The following GALNT8 variants were observed in gnomAD, a reference collection of about 807,000 sequenced individuals.
GALNT8 encodes polypeptide N-acetylgalactosaminyltransferase 8.
GALNT8 carries 66 observed loss-of-function variants against 62.7 expected under a neutral mutation model. That is an observed-to-expected ratio of 1.05 (90% CI 0.86 to 1.29). The LOEUF (loss-of-function observed/expected upper bound fraction) is 1.29, where lower values mean the gene tolerates loss of function less well. Among genes scored for constraint, GALNT8 ranks in the 50% most tolerant of loss-of-function variants. The pLI is 0.00. For synonymous variants in GALNT8, 288 were observed against 294.3 expected (o/e 0.98, Z 0.22); for missense variants, 771 against 791.8 (o/e 0.97, Z 0.32).
chr12:4,727,506 A>G (rs1281552638), intron 2 of GALNT8, among the ~76,000 whole-genome samples: 1 of 152,218 alleles, frequency 6.6e-6, no homozygotes, highest in Non-Finnish European at 1.5e-5. Context: ...CAGGCCCTCC[A>G]CATTTTCCTA....
Position 4,763,936 on chromosome 12 carries a change from G to A in GALNT8, c.1498-16G>A. ...GTCCTTTCTAACAGTGTTGCCGTGT[G>A]TTTTGTCCCCTTCAGATGAAAAACC... On this transcript the variant is annotated splice_polypyrimidine_tract_variant and intron_variant, in intron 8 of 10. Coordinates refer to ENST00000252318, the MANE Select transcript of GALNT8 (RefSeq NM_017417.2). The A allele has an allele frequency of 2.2e-6, 3 of 1,349,568 alleles. No homozygotes were observed. Among genetic ancestry groups the A allele is most frequent in the Non-Finnish European group, 3.2e-6 (3 of 937,172 alleles). 83.6% of individuals were successfully genotyped at this position (1,349,568 alleles called of 1,614,324 possible). A position where few individuals can be genotyped will look rare whatever the true frequency, so the allele number is the denominator to read the frequency against.
intron 1 of GALNT8, among the ~76,000 whole-genome samples, chr12:4,723,853 A>T (rs1285473199): frequency 2.0e-5 from 3 of 151,184 alleles, no homozygotes; most frequent in Non-Finnish European, 4.4e-5. Flanking sequence ...AGGAAGATTT[A>T]AAAAAATCAG....
intron 2 of GALNT8, among the ~76,000 whole-genome samples, chr12:4,732,210 G>A (rs865861606): frequency 4.6e-5 from 7 of 152,190 alleles, no homozygotes; most frequent in African/African-American, 9.6e-5. Flanking sequence ...TGTTCCACAC[G>A]ACAGTAGTTT....
chr12:4,759,893 C>T (rs931150547), intron 6 of GALNT8, among the ~76,000 whole-genome samples: 2 of 152,114 alleles, frequency 1.3e-5, no homozygotes, highest in Admixed American at 6.5e-5. Context: ...CTGAGATGAA[C>T]ATAATATTTT....
At position 4,764,316 on chromosome 12, in the gene GALNT8, A is replaced by G. The variant is rs16931691; in HGVS notation, c.1593+269A>G. On this transcript the variant is annotated intron_variant, in intron 9 of 10. Coordinates refer to ENST00000252318, the MANE Select transcript of GALNT8 (RefSeq NM_017417.2). ...ATTCATTCTGCATGGTGATATTTGC[A>G]TTGACAATCACCTCTGGTCCCTTCC... Among the ~76,000 whole-genome samples, 766 of 152,274 alleles carry G rather than the reference A, an allele frequency of 5.0e-3. 7 individuals are homozygous for G. The highest frequency in any genetic ancestry group is 0.018 in the African/African-American group (738 of 41,556).
chr12:4,738,707 G>A (rs1211653982), intron 2 of GALNT8, among the ~76,000 whole-genome samples: 1 of 152,116 alleles, frequency 6.6e-6, no homozygotes, highest in African/African-American at 2.4e-5. Flanking sequence ...TATAAAAAGG[G>A]TAAACCAGTG....
intron 1 of GALNT8, among the ~76,000 whole-genome samples, chr12:4,722,247 C>T (rs1946174333): frequency 6.6e-6 from 1 of 152,186 alleles, no homozygotes; most frequent in South Asian, 2.1e-4. Context: ...ATCTCTGGGG[C>T]AAGGGCCTCG....
chr12:4,765,134 A>G (rs1946393232), intron 9 of GALNT8, among the ~76,000 whole-genome samples: 1 of 151,992 alleles, frequency 6.6e-6, no homozygotes, highest in Non-Finnish European at 1.5e-5. Context: ...TTCTTCATCC[A>G]TGTAAGCTAT....
chr12:4,765,233 C>T (rs1946393612), intron 9 of GALNT8, 146 bp from the exon 10 acceptor site: 7 of 626,464 alleles, frequency 1.1e-5, no homozygotes, highest in Non-Finnish European at 1.9e-5. Flanking sequence ...TTCATGTTGT[C>T]CAGGAAGGTT....
In GALNT8 at chr12:4,749,957, T is replaced by C. The variant is rs1364125422; in HGVS notation, c.1173+3699T>C. ...GATTTTCCAACTTGTTGGCATACAG[T>C]TGCTTATAGGAGCTGTTAGTGTTCC... On this transcript the variant is annotated intron_variant, in intron 6 of 10. Coordinates refer to ENST00000252318, the MANE Select transcript of GALNT8 (RefSeq NM_017417.2). The surrounding 1 kb of genome is among the most constrained non-coding windows in gnomAD (Gnocchi z 4.1). Among the ~76,000 whole-genome samples the C allele has an allele frequency of 1.1e-4, 16 of 152,156 alleles. No homozygotes were observed. The highest frequency in any genetic ancestry group is 1.5e-5 in the Non-Finnish European group (1 of 68,020).
intron 3 of GALNT8, among the ~76,000 whole-genome samples, chr12:4,740,658 A>G (rs1219236089): frequency 6.6e-6 from 1 of 152,168 alleles, no homozygotes; most frequent in Non-Finnish European, 1.5e-5. Context: ...TCCTGATCTC[A>G]GATGGTTTGC....
chr12:4,744,794 A>G (rs1437088768), intron 4 of GALNT8, 94 bp downstream of exon 4: 17 of 792,056 alleles, frequency 2.1e-5, no homozygotes, highest in Non-Finnish European at 3.3e-5. Flanking sequence ...GACACAGGGA[A>G]AGTCAGCACC....
intron 3 of GALNT8, among the ~76,000 whole-genome samples, chr12:4,741,908 A>G (rs949389509): frequency 6.6e-6 from 1 of 152,212 alleles, no homozygotes; most frequent in East Asian, 1.9e-4. Context: ...ATTAACCACG[A>G]AAACACCAGC....
Position 4,739,133 on chromosome 12 carries a change from AT to A in GALNT8, c.510-29del, listed in dbSNP as rs757626595. On this transcript the variant is annotated intron_variant, in intron 2 of 10. Coordinates refer to ENST00000252318, the MANE Select transcript of GALNT8 (RefSeq NM_017417.2). ...GCAGTGTTGAAGTAATTAAAAAAAAATAATATGTTATAAAAATGGTCTCTTA... is the reference window on the plus strand; with the variant it reads ...GCAGTGTTGAAGTAATTAAAAAAAAAAATATGTTATAAAAATGGTCTCTTA... 86 of 1,464,486 alleles carry A rather than the reference AT, an allele frequency of 5.9e-5. No individual in the cohort carries two copies. The African/African-American group carries it at 6.1e-4, about 10-fold the overall frequency. 90.7% of individuals were successfully genotyped at this position (1,464,486 alleles called of 1,614,324 possible).
rs1946198093 is a variant in GALNT8, at chr12:4,726,776, C to G, written c.456C>G (p.Tyr152Ter). Residue 152 changes from tyrosine (Y) to a stop codon, truncating the protein, a stop_gained, in exon 2 of 11, where the codon TAC (tyrosine) becomes TAG (stop). Coordinates refer to ENST00000252318, the MANE Select transcript of GALNT8 (RefSeq NM_017417.2). LOFTEE classifies it high-confidence loss of function. The surrounding 1 kb of genome is among the most constrained non-coding windows in gnomAD (Gnocchi z 4.1). ...TCCGGAAGTTTGGTTACAACGCGTA[C>G]CTCAGCAACCAGCTGCCTCTCAATC... is the stretch of plus-strand genomic sequence containing the variant. ...DLFRKFGYNA[Y>*]LSNQLPLNRT... The G allele has an allele frequency of 6.2e-7, 1 of 1,613,850 alleles. No individual in the cohort carries two copies. The highest frequency in any genetic ancestry group is 1.1e-5 in the South Asian group (1 of 91,066).
chr12:4,751,284 A>G (rs562836475), intron 6 of GALNT8, among the ~76,000 whole-genome samples: 2 of 152,274 alleles, frequency 1.3e-5, no homozygotes, highest in East Asian at 1.9e-4. Flanking sequence ...AATGTGATCT[A>G]TTAGTTATTT....
In GALNT8 at chr12:4,746,211, GGT is replaced by G. The variant is rs1946299021; in HGVS notation, c.1128_1129del (p.Gly377AsnfsTer12). 6.2e-7 allele frequency: 1 copy of G among 1,613,128 alleles called. No individual in the cohort carries two copies. Among genetic ancestry groups the G allele is most frequent in the African/African-American group, 1.3e-5 (1 of 74,890 alleles). On this transcript the variant is annotated frameshift_variant, in exon 6 of 11. Transcript: ENST00000252318. LOFTEE classifies it high-confidence loss of function. ...CCTGGGAGAGATCGGGTCTCTGGAT[GGT>G]GGAATGCTCATCTATGGAGGAGAGA... ...HFLGEIGSLD[G>X]GMLIYGGENV...
intron 2 of GALNT8, among the ~76,000 whole-genome samples, chr12:4,733,789 G>A (rs941008821): frequency 3.9e-5 from 6 of 152,046 alleles, no homozygotes; most frequent in Admixed American, 3.3e-4. Flanking sequence ...TTACGAATTC[G>A]CCACTTACAT....
chr12:4,725,841 A>C (rs1317062264), intron 1 of GALNT8, among the ~76,000 whole-genome samples: 3 of 152,190 alleles, frequency 2.0e-5, no homozygotes, highest in Non-Finnish European at 4.4e-5. Context: ...GGCGTGAGCC[A>C]CCACGCCCGG....
Sources: gnomAD v4.1 joint callset for allele counts (sites outside exome capture counted in the v4.1 genomes callset) on GRCh38, gnomAD v4.1.1 for gene constraint, Gnocchi (gnomAD v3.1) non-coding constraint, MANE v1.5 for transcripts, NCBI Gene and HGNC (gene_info 2026-07-23, HGNC 2026-07-21) for gene names.